CHD6: variants seen among roughly 807,000 people sequenced by gnomAD.
CHD6 encodes the protein chromodomain helicase DNA binding protein 6.
A neutral mutation model predicts 276.9 loss-of-function variants in CHD6; 50 were observed. The observed-to-expected ratio is 0.18, with a 90% CI of 0.14 to 0.23. CHD6 has a LOEUF of 0.23. Ranked by LOEUF, CHD6 falls within the 10% of genes least tolerant of loss-of-function variation. The probability of loss-of-function intolerance (pLI) is 1.00; values close to 1 mark genes in which losing one functional copy is unlikely to be tolerated. For missense variants in CHD6, 2,564 were observed against 3,365.8 expected (o/e 0.76, Z 5.89); for synonymous variants, 1,173 against 1,229.3 (o/e 0.95, Z 0.96).
chr20:41,496,755 G>A (rs923326166), intron 8 of CHD6: 2 of 152,036 alleles, frequency 1.3e-5, no homozygotes, highest in East Asian at 1.9e-4. Flanking sequence ...CTCTATTCTC[G>A]GCCAAGGAAA....
At chr20:41,469,181 G>C (rs2042997615) in intron 17 of CHD6, among the ~76,000 whole-genome samples, 1 of 152,158 alleles carries the variant, frequency 6.6e-6, no homozygotes, top group African/African-American at 2.4e-5. Flanking sequence ...AAATCCTGCA[G>C]ACATGCAGCA....
intron 23 of CHD6, among the ~76,000 whole-genome samples, chr20:41,449,761 C>T (rs1173302162): frequency 6.6e-6 from 1 of 152,158 alleles, no homozygotes; most frequent in Admixed American, 6.5e-5. Context: ...TTAATGAATT[C>T]CTACAAACAA....
chr20:41,446,989 AACCTGTCT>A (rs911333666), intron 24 of CHD6, among the ~76,000 whole-genome samples: 1 of 152,162 alleles, frequency 6.6e-6, no homozygotes, highest in African/African-American at 2.4e-5. Flanking sequence ...ACTCAAATTG[AACCTGTCT>A]ACCAAACACA....
intron 1 of CHD6, among the ~76,000 whole-genome samples, chr20:41,577,803 T>G (rs2045490985): frequency 1.3e-5 from 2 of 152,244 alleles, no homozygotes; most frequent in Non-Finnish European, 2.9e-5. Context: ...GAGTACAAAT[T>G]CTATAATCAA....
chr20:41,587,288 CTAACTT>C (rs2045606366), intron 1 of CHD6, among the ~76,000 whole-genome samples: 1 of 152,162 alleles, frequency 6.6e-6, no homozygotes, highest in African/African-American at 2.4e-5. Context: ...TTGTTATAAA[CTAACTT>C]TAAATTGGCC....
intron 2 of CHD6, among the ~76,000 whole-genome samples, chr20:41,541,629 T>C (rs1386031328): frequency 6.6e-6 from 1 of 151,940 alleles, no homozygotes; most frequent in Non-Finnish European, 1.5e-5. Context: ...ATAAGTGAAG[T>C]TGGTGGGAAA....
intron 1 of CHD6, among the ~76,000 whole-genome samples, chr20:41,604,243 G>T (rs1601188922): frequency 6.6e-6 from 1 of 152,262 alleles, no homozygotes; most frequent in East Asian, 1.9e-4. Flanking sequence ...TTGGATCACA[G>T]GAGAGGGTTG....
chr20:41,547,920 A>AG, intron 2 of CHD6: 1 of 273,262 alleles, frequency 3.7e-6, no homozygotes, highest in Non-Finnish European at 7.3e-6. Context: ...ATGCCCAACT[A>AG]GTTAAGAAGC....
At chr20:41,594,174 T>C (rs1368302317) in intron 1 of CHD6, among the ~76,000 whole-genome samples, 7 of 152,194 alleles carry the variant, frequency 4.6e-5, no homozygotes, top group South Asian at 2.1e-4. Flanking sequence ...ACAGTATCAA[T>C]AGTAAAGCAC....
chr20:41,415,632 A>T lies in CHD6; in HGVS notation c.6493T>A (p.Phe2165Ile), dbSNP rs1450022847. The change falls in exon 34 of 37, where the codon TTC becomes ATC. Residue 2165 changes from phenylalanine (F) to isoleucine (I), a missense_variant. By Grantham distance (21) the Phe-to-Ile change is conservative (BLOSUM62 0). Transcript: ENST00000373233. ...ALAAQIHKES[F>I]LAPVFTKDEQ... ...TCCTTTGTGAATACTGGAGCTAAGA[A>T]GCTCTCCTGTGAACACACAAACAGC... 6.3e-7 allele frequency: 1 copy of T among 1,586,770 alleles called. No homozygotes were observed. Among genetic ancestry groups the T allele is most frequent in the East Asian group, 2.2e-5 (1 of 44,764 alleles).
chr20:41,425,083 C>T, intron 29 of CHD6, 95 bp downstream of exon 29: 1 of 922,746 alleles, frequency 1.1e-6, no homozygotes, highest in East Asian at 2.5e-5. Flanking sequence ...CACATGAGAA[C>T]AGAAATATAC....
chr20:41,536,317 C>A (rs2146088978), intron 2 of CHD6, among the ~76,000 whole-genome samples: 1 of 152,280 alleles, frequency 6.6e-6, no homozygotes, highest in East Asian at 1.9e-4. Flanking sequence ...ACACATGCAA[C>A]AATGCTAGCT....
chr20:41,546,914 C>T (rs1568693440), intron 2 of CHD6, among the ~76,000 whole-genome samples: 1 of 152,178 alleles, frequency 6.6e-6, no homozygotes, highest in Non-Finnish European at 1.5e-5. Flanking sequence ...ATTCTGGGCA[C>T]ATTACTCCTA....
intron 14 of CHD6, chr20:41,485,706 G>A (rs1004335665): frequency 4.6e-5 from 7 of 152,090 alleles, no homozygotes; most frequent in Admixed American, 6.6e-5. Flanking sequence ...GGGCGGGGTA[G>A]GGAGGTATTG....
At chr20:41,568,479 C>T (rs540566984) in intron 1 of CHD6, among the ~76,000 whole-genome samples, 1 of 152,328 alleles carries the variant, frequency 6.6e-6, no homozygotes, top group African/African-American at 2.4e-5. Context: ...AGAAAAACCA[C>T]ATATTTATGG....
chr20:41,417,231 C>T lies in CHD6; in HGVS notation c.6246G>A (p.Glu2082=), dbSNP rs148039353. 3 of 1,614,096 alleles carry T rather than the reference C, an allele frequency of 1.9e-6. No homozygotes were observed. Among genetic ancestry groups the T allele is most frequent in the Admixed American group, 3.3e-5 (2 of 59,996 alleles). The change falls in exon 32 of 37, where the codon GAG becomes GAA. Residue 2082 remains glutamate (E), a synonymous_variant. Coordinates refer to ENST00000373233, the MANE Select transcript of CHD6 (RefSeq NM_032221.5). ...RAPTIAQLLQ[E]KTLYSFSEWP... Reference sequence around the variant, plus strand: ...ACTCAGAGAAGGAATAGAGAGTTTTCTCCTGTAGCAGCTGAGCAATAGTGG... The same window carrying T: ...ACTCAGAGAAGGAATAGAGAGTTTTTTCCTGTAGCAGCTGAGCAATAGTGG...
At position 41,457,373 on chromosome 20, in the gene CHD6, A is replaced by C; in HGVS notation, c.2720T>G (p.Leu907Arg). Residue 907 changes from leucine (L) to arginine (R), a missense_variant, in exon 18 of 37, where the codon CTC becomes CGC. Transcript: ENST00000373233. The stretch of plus-strand genomic sequence containing the variant: ...GCGCTCGTAGGAATTTCGAGTGATG[A>C]GGCGATACACCTTCACAGCTTTGCT... ...GQSKAVKVYRLITRNSYEREM... is the reference protein window; with the variant it reads ...GQSKAVKVYRRITRNSYEREM... 1 of 1,614,096 alleles carries C rather than the reference A, an allele frequency of 6.2e-7. No individual in the cohort carries two copies. Among genetic ancestry groups the C allele is most frequent in the Non-Finnish European group, 8.5e-7 (1 of 1,179,992 alleles).
rs146975298 is a variant in CHD6, at chr20:41,507,242, T to C, written c.852+5604A>G. 5.3e-4 allele frequency among the ~76,000 whole-genome samples: 81 copies of C among 152,348 alleles called. No homozygotes were observed. In the East Asian group the frequency reaches 0.015, roughly 29 times the overall value. On this transcript the variant is annotated intron_variant, in intron 5 of 36. Transcript: ENST00000373233. ...ATAGGATTTTGATTACAATTCAGAATATTTAACTAGGACCAAATCTAAAGA... is the reference window on the plus strand; with the variant it reads ...ATAGGATTTTGATTACAATTCAGAACATTTAACTAGGACCAAATCTAAAGA...
intron 5 of CHD6, among the ~76,000 whole-genome samples, chr20:41,509,686 G>A (rs545843654): frequency 6.6e-6 from 1 of 152,270 alleles, no homozygotes; most frequent in Non-Finnish European, 1.5e-5. Context: ...AACTGCAGGA[G>A]GCAAAAACTG....
Sources: allele counts gnomAD v4.1 joint callset (sites outside exome capture counted in the v4.1 genomes callset), GRCh38; gene constraint gnomAD v4.1.1; transcripts MANE v1.5; gene names NCBI Gene and HGNC (gene_info 2026-07-23, HGNC 2026-07-21).